The following CAMK2G variants were observed in gnomAD, a reference collection of about 807,000 sequenced individuals.
CAMK2G encodes the protein calcium/calmodulin-dependent protein kinase type II subunit gamma.
A neutral mutation model predicts 88.7 loss-of-function variants in CAMK2G; 23 were observed. The ratio of observed to expected loss-of-function variants is 0.26; its 90% CI spans 0.19 to 0.37. The LOEUF is 0.37. Ranked by LOEUF, CAMK2G falls within the 10% of genes least tolerant of loss-of-function variation. The probability of loss-of-function intolerance (pLI) is 1.00; values close to 1 mark genes in which losing one functional copy is unlikely to be tolerated. For synonymous variants in CAMK2G, 263 were observed against 294.8 expected, an observed-to-expected ratio of 0.89 and a Z score of 1.11; for missense variants, 476 against 780.8, an observed-to-expected ratio of 0.61 and a Z score of 4.65.
At chr10:73,830,901 TTAAGCAG>T (rs2092321275) in intron 14 of CAMK2G, among the ~76,000 whole-genome samples, 1 of 152,228 alleles carries the variant, frequency 6.6e-6, no homozygotes, top group Admixed American at 6.5e-5. Context: ...CTATGGACAC[TTAAGCAG>T]TAGGAATTGA....
At position 73,848,059 on chromosome 10, in the gene CAMK2G, C is replaced by T. The variant is rs1324577401; in HGVS notation, c.625G>A (p.Val209Met). 1 of 1,609,568 alleles carries T rather than the reference C, an allele frequency of 6.2e-7. No homozygotes were observed. Among genetic ancestry groups the T allele is most frequent in the Non-Finnish European group, 8.5e-7 (1 of 1,175,938 alleles). ...TCATCCCAGAAGGGAGGATAGCCCA[C>T]CAGGAGGATATACAGGATGACCCCT... ...ACGVILYILL[V>M]GYPPFWDEDQ... is the part of the protein sequence containing the mutation. The change falls in exon 9 of 23, where the codon GTG (valine) becomes ATG (methionine). Residue 209 changes from valine (V) to methionine (M), a missense_variant. By Grantham distance (21) the Val-to-Met change is conservative (BLOSUM62 1). Around this residue, in one of 3 missense-constraint regions of CAMK2G, gnomAD observed 164 missense variants for 385.6 expected, o/e 0.43. Transcript: ENST00000423381. This position sits in a 1 kb window ranked among gnomAD's most constrained non-coding sequence, Gnocchi z 4.5.
At chr10:73,829,856 G>C (rs184815100) in intron 14 of CAMK2G, among the ~76,000 whole-genome samples, 3 of 152,178 alleles carry the variant, frequency 2.0e-5, no homozygotes, top group Non-Finnish European at 4.4e-5. Context: ...TACAGGCGAC[G>C]AAAGTTTGCT....
chr10:73,820,798 G>A (rs1261921634), intron 18 of CAMK2G, among the ~76,000 whole-genome samples: 2 of 148,524 alleles, frequency 1.3e-5, no homozygotes, highest in African/African-American at 5.0e-5. Context: ...TCCGCCTCCC[G>A]AGTAGCTACG....
At chr10:73,819,443 G>T in intron 19 of CAMK2G, 89 bp downstream of exon 19, 1 of 886,464 alleles carries the variant, frequency 1.1e-6, no homozygotes, top group Non-Finnish European at 1.8e-6. Context: ...GGGCAGGTGG[G>T]TGGGACTGAC....
intron 12 of CAMK2G, chr10:73,841,943 T>C (rs2093821764): frequency 5.3e-6 from 3 of 570,762 alleles, no homozygotes. Context: ...GGCAGGCTAC[T>C]CCTTGGGAAG....
chr10:73,827,989 GGAT>G, intron 15 of CAMK2G, 97 bp downstream of exon 15: 16 of 946,004 alleles, frequency 1.7e-5, no homozygotes, highest in Non-Finnish European at 2.8e-5. Flanking sequence ...CATGCAGTGA[GGAT>G]GAGTGAGGCA....
At chr10:73,857,401 T>G (rs1415753411) in intron 3 of CAMK2G, among the ~76,000 whole-genome samples, 1 of 152,064 alleles carries the variant, frequency 6.6e-6, no homozygotes, top group Admixed American at 6.6e-5. Flanking sequence ...GAGGTCACAG[T>G]TACTAATTAG....
intron 2 of CAMK2G, among the ~76,000 whole-genome samples, chr10:73,863,356 G>A (rs1265708709): frequency 6.6e-6 from 1 of 152,218 alleles, no homozygotes; most frequent in African/African-American, 2.4e-5. Flanking sequence ...GTGACCTCCA[G>A]AAGCGAGGCA....
intron 14 of CAMK2G, among the ~76,000 whole-genome samples, chr10:73,836,796 CCA>C (rs1484247619): frequency 1.3e-5 from 2 of 152,204 alleles, no homozygotes; most frequent in African/African-American, 2.4e-5. Flanking sequence ...GTGGGTAGCC[CCA>C]GTCACCTCTC....
chr10:73,815,271 A>T (rs2085010818), intron 21 of CAMK2G, 24 bp from the exon 22 acceptor site: 1 of 1,528,738 alleles, frequency 6.5e-7, no homozygotes, highest in Non-Finnish European at 9.1e-7. Context: ...TGGGGTAGGT[A>T]AGAGGACATC....
chr10:73,867,633 A>G (rs2095643742), intron 2 of CAMK2G, among the ~76,000 whole-genome samples: 1 of 152,102 alleles, frequency 6.6e-6, no homozygotes, highest in Non-Finnish European at 1.5e-5. Flanking sequence ...GGTGTTGGGG[A>G]GGAGTGGCTG....
chr10:73,855,821 TC>T (rs1344223504), intron 3 of CAMK2G, among the ~76,000 whole-genome samples: 3 of 152,244 alleles, frequency 2.0e-5, no homozygotes, highest in African/African-American at 7.2e-5. Context: ...GGAAGCTGTA[TC>T]TGAATAAGAC....
chr10:73,828,546 C>G (rs1193128832), intron 14 of CAMK2G, among the ~76,000 whole-genome samples: 1 of 152,124 alleles, frequency 6.6e-6, no homozygotes. Flanking sequence ...GAGCAGCCAC[C>G]AGGGAAAAAG....
chr10:73,860,950 G>A (rs1054661372), intron 2 of CAMK2G, 61 bp from the exon 3 acceptor site: 3 of 1,177,254 alleles, frequency 2.5e-6, no homozygotes, highest in South Asian at 1.2e-5. Flanking sequence ...TGGTCACCTT[G>A]TTATTCATAT....
intron 15 of CAMK2G, among the ~76,000 whole-genome samples, chr10:73,827,134 G>C (rs759223101): frequency 6.6e-6 from 1 of 152,248 alleles, no homozygotes; most frequent in Non-Finnish European, 1.5e-5. Context: ...AAGGACTCCA[G>C]GGTGCCCACA....
At chr10:73,817,381 T>G (rs1184208361) in intron 20 of CAMK2G, 98 bp downstream of exon 20, 4 of 965,702 alleles carry the variant, frequency 4.1e-6, no homozygotes, top group African/African-American at 1.6e-5. Flanking sequence ...TTGCCCAAGG[T>G]CCAACCTCCC....
intron 14 of CAMK2G, among the ~76,000 whole-genome samples, chr10:73,828,523 C>T (rs1443412585): frequency 2.0e-5 from 3 of 152,180 alleles, no homozygotes; most frequent in African/African-American, 7.2e-5. Flanking sequence ...CTAGAACTGT[C>T]TGAAATTCAA....
chr10:73,816,051 C>A, intron 21 of CAMK2G: 1 of 985,262 alleles, frequency 1.0e-6, no homozygotes, highest in Non-Finnish European at 1.2e-6. Context: ...TGGGAGCCAG[C>A]GGAGAAGTTA....
At position 73,853,212 on chromosome 10, in the gene CAMK2G, A is replaced by G. The variant is rs767423449; in HGVS notation, c.255T>C (p.Phe85=). The part of the protein sequence containing the change: ...RLHDSISEEG[F]HYLVFDLVTG... ...CTTACAGGTCAAACACGAGGTAGTG[A>G]AACCCTTCTTCAGAAATACTGTCAT... The change falls in exon 4 of 23, where the codon TTT becomes TTC. Residue 85 remains phenylalanine, a synonymous_variant. Coordinates refer to ENST00000423381, the MANE Select transcript of CAMK2G (RefSeq NM_001367534.1). 6.2e-7 allele frequency: 1 copy of G among 1,614,194 alleles called. No individual in the cohort carries two copies. Among genetic ancestry groups the G allele is most frequent in the South Asian group, 1.1e-5 (1 of 91,090 alleles).
Sources: allele counts gnomAD v4.1 joint callset (sites outside exome capture counted in the v4.1 genomes callset), GRCh38; gene constraint gnomAD v4.1.1; regional missense constraint gnomAD v4.1.1; non-coding constraint Gnocchi (gnomAD v3.1); transcripts MANE v1.5; gene names NCBI Gene and HGNC (gene_info 2026-07-23, HGNC 2026-07-21).